The following ANXA2 variants were observed in gnomAD, a reference collection of about 807,000 sequenced individuals.
ANXA2 encodes the protein annexin A2.
Under a neutral mutation model 47.3 loss-of-function variants are expected in ANXA2, and 28 were observed. The observed-to-expected ratio is 0.59, with a 90% confidence interval of 0.44 to 0.81. The LOEUF is 0.81. Among genes scored for constraint, ANXA2 ranks in the 40% least tolerant of loss-of-function variants. The pLI, the probability that ANXA2 is intolerant of heterozygous loss-of-function variation, is 0.00. For synonymous variants in ANXA2, 172 were observed against 155.5 expected, an observed-to-expected ratio of 1.11 and a Z score of -0.79; for missense variants, 384 against 414.3, an observed-to-expected ratio of 0.93 and a Z score of 0.64.
At chr15:60,348,640 G>A (rs36051492) in intron 12 of ANXA2, among the ~76,000 whole-genome samples, 44,152 of 151,464 alleles carry the variant, frequency 0.29, 6,805 homozygotes, top group Middle Eastern at 0.4. Context: ...AGCTACTTGG[G>A]AGGCTGAGGC....
chr15:60,373,889 T>G (rs1186708597), intron 3 of ANXA2, among the ~76,000 whole-genome samples: 1 of 152,156 alleles, frequency 6.6e-6, no homozygotes, highest in Non-Finnish European at 1.5e-5. Context: ...CAAAGAAAGA[T>G]AGAGAACATT....
intron 3 of ANXA2, among the ~76,000 whole-genome samples, chr15:60,381,597 G>A (rs752934813): frequency 6.6e-6 from 1 of 152,040 alleles, no homozygotes; most frequent in Admixed American, 6.6e-5. Flanking sequence ...AGGCTTTTAC[G>A]CCTCCTGGTC....
intron 1 of ANXA2, chr15:60,396,444 T>C (rs964638056): frequency 2.0e-5 from 3 of 151,322 alleles, no homozygotes; most frequent in African/African-American, 7.3e-5. Context: ...AGGTGGAAGG[T>C]GGAAAAAAGA....
intron 3 of ANXA2, among the ~76,000 whole-genome samples, chr15:60,369,683 G>C (rs2062687091): frequency 6.6e-6 from 1 of 152,182 alleles, no homozygotes; most frequent in Non-Finnish European, 1.5e-5. Flanking sequence ...TGTAGAACTT[G>C]GGACCGAGGA....
At chr15:60,379,353 G>T (rs1595697290) in intron 3 of ANXA2, among the ~76,000 whole-genome samples, 1 of 151,712 alleles carries the variant, frequency 6.6e-6, no homozygotes, top group Middle Eastern at 3.4e-3. Context: ...AAGTCTGGGG[G>T]AAAAAAAAGG....
At chr15:60,384,368 A>C (rs967589427) in intron 2 of ANXA2, 1 of 152,226 alleles carries the variant, frequency 6.6e-6, no homozygotes, top group Non-Finnish European at 1.5e-5. Context: ...TGTCTCTGGA[A>C]ATGAAATTAA....
rs1178572006 is a variant in ANXA2 at position 60,397,786 on chromosome 15, ACT to A, written c.-12+155_-12+156del. ...TTGTCCCTGAGCCCCCTCCCCAAAGACTCTCCAGTGCCGGCCGTCCCTTCAGC... is the reference window on the plus strand; with the variant it reads ...TTGTCCCTGAGCCCCCTCCCCAAAGACTCCAGTGCCGGCCGTCCCTTCAGC... On this transcript the variant is annotated intron_variant, in intron 1 of 12. Transcript: ENST00000451270. 8 of 1,187,366 alleles carry A rather than the reference ACT, an allele frequency of 6.7e-6. No individual in the cohort carries two copies. The Admixed American group carries it at 2.9e-4, about 43-fold the overall frequency. The allele number at this position is 1,187,366 out of a possible 1,614,324, so 73.6% of individuals were successfully genotyped here. A position where few individuals can be genotyped will look rare whatever the true frequency, so the allele number is the denominator to read the frequency against.
At chr15:60,380,972 G>C (rs752416198) in intron 3 of ANXA2, among the ~76,000 whole-genome samples, 5 of 151,976 alleles carry the variant, frequency 3.3e-5, no homozygotes, top group Non-Finnish European at 7.4e-5. Flanking sequence ...CATCTTGTTA[G>C]AACCATAGAA....
At chr15:60,372,935 A>G (rs1188159615) in intron 3 of ANXA2, among the ~76,000 whole-genome samples, 1 of 152,022 alleles carries the variant, frequency 6.6e-6, no homozygotes, top group Non-Finnish European at 1.5e-5. Flanking sequence ...GATTACAGAC[A>G]AGAGCCACCA....
At chr15:60,371,571 G>A (rs903942284) in intron 3 of ANXA2, among the ~76,000 whole-genome samples, 3 of 152,024 alleles carry the variant, frequency 2.0e-5, no homozygotes, top group Non-Finnish European at 4.4e-5. Flanking sequence ...CACATCTGCC[G>A]AGACACACTG....
At chr15:60,394,947 C>T (rs1346484296) in intron 1 of ANXA2, among the ~76,000 whole-genome samples, 3 of 152,202 alleles carry the variant, frequency 2.0e-5, no homozygotes, top group East Asian at 3.9e-4. Flanking sequence ...TGGCCTACAA[C>T]TAGAATAGGG....
intron 3 of ANXA2, among the ~76,000 whole-genome samples, chr15:60,366,748 A>C (rs1595681004): frequency 1.4e-5 from 1 of 72,132 alleles, no homozygotes; most frequent in Non-Finnish European, 2.6e-5. Context: ...GGCCGCCCCT[A>C]CTGGGAAGTG....
chr15:60,347,886 G>A lies in ANXA2; in HGVS notation c.961-197C>T, dbSNP rs117211828. On this transcript the variant is annotated intron_variant, in intron 12 of 12. Coordinates refer to ENST00000451270, the MANE Select transcript of ANXA2 (RefSeq NM_004039.3). ...CAGGGAAGCCTCCAGGAGTGTGGTC[G>A]GAGGAGGTGCTGGGGAAGACACTCA... Among the ~76,000 whole-genome samples, 42 of 152,320 alleles carry A rather than the reference G, an allele frequency of 2.8e-4. No individual in the cohort carries two copies. The East Asian group carries it at 4.8e-3, about 17-fold the overall frequency.
chr15:60,349,265 T>C (rs1895880018), intron 11 of ANXA2, 68 bp from the exon 12 acceptor site: 1 of 1,557,314 alleles, frequency 6.4e-7, no homozygotes, highest in Non-Finnish European at 8.8e-7. Context: ...GTCTACAGGT[T>C]GAGCATCCCT....
chr15:60,397,685 C>G (rs1398672556), intron 1 of ANXA2, among the ~76,000 whole-genome samples: 4 of 151,480 alleles, frequency 2.6e-5, no homozygotes, highest in Admixed American at 2.6e-4. Context: ...CTTAGAGAAG[C>G]CCGACCCCCC....
chr15:60,349,788 G>C lies in ANXA2; in HGVS notation c.838-591C>G, dbSNP rs149867369. On this transcript the variant is annotated intron_variant, in intron 11 of 12. Transcript: ENST00000451270. ...AAAAAGGGAAGGAAGGAAGGAGAGA[G>C]AAAGAGAGAAGAAAGGGAAAGGGAA... Among the ~76,000 whole-genome samples the C allele has an allele frequency of 7.9e-3, 1,084 of 136,900 alleles. 13 individuals carry two copies. The highest frequency in any genetic ancestry group is 0.029 in the African/African-American group (1,053 of 36,550). 89.8% of individuals were successfully genotyped at this position (136,900 alleles called of 152,430 possible).
At chr15:60,392,403 T>C (rs2063024710) in intron 1 of ANXA2, among the ~76,000 whole-genome samples, 1 of 59,916 alleles carries the variant, frequency 1.7e-5, no homozygotes, top group South Asian at 1.5e-3. Flanking sequence ...GGTTTGTCCT[T>C]ATTAAAAAAA....
At chr15:60,374,745 G>A (rs1054501313) in intron 3 of ANXA2, 3 of 455,742 alleles carry the variant, frequency 6.6e-6, no homozygotes, top group Non-Finnish European at 8.8e-6. Context: ...GTCACAGGGT[G>A]GCTGTGACTC....
chr15:60,366,808 G>T (rs2062619402), intron 3 of ANXA2, among the ~76,000 whole-genome samples: 1 of 137,462 alleles, frequency 7.3e-6, no homozygotes, highest in Admixed American at 6.9e-5. Flanking sequence ...GAGGCGGGGG[G>T]GGGGGGGGTC....
Sources: gnomAD v4.1 joint callset for allele counts (sites outside exome capture counted in the v4.1 genomes callset) on GRCh38, gnomAD v4.1.1 for gene constraint, MANE v1.5 for transcripts, NCBI Gene and HGNC (gene_info 2026-07-23, HGNC 2026-07-21) for gene names.